Variants in KCTD16 observed in about 807,000 individuals in gnomAD.
KCTD16 encodes the protein BTB/POZ domain-containing protein KCTD16.
KCTD16 carries 13 observed loss-of-function variants against 33.2 expected under a neutral mutation model. The ratio of observed to expected loss-of-function variants is 0.39; its 90% CI spans 0.25 to 0.62. The LOEUF is 0.62. Among genes scored for constraint, KCTD16 ranks in the 20% least tolerant of loss-of-function variants. The probability of loss-of-function intolerance (pLI) is 0.50; values close to 1 mark genes in which losing one functional copy is unlikely to be tolerated. For synonymous variants in KCTD16, 197 were observed against 195.3 expected (o/e 1.01, Z -0.07); for missense variants, 441 against 525.1 (o/e 0.84, Z 1.57).
At chr5:144,374,474 T>C (rs532802805) in intron 3 of KCTD16, among the ~76,000 whole-genome samples, 1 of 152,282 alleles carries the variant, frequency 6.6e-6, no homozygotes, top group Non-Finnish European at 1.5e-5. Context: ...CGAGGTGACA[T>C]AGTATCATCT....
intron 3 of KCTD16, among the ~76,000 whole-genome samples, chr5:144,340,401 CAAAAAAA>C (rs1208475292): frequency 1.7e-4 from 8 of 48,252 alleles, no homozygotes; most frequent in African/African-American, 4.4e-4. Flanking sequence ...GACTCCATCT[CAAAAAAA>C]AAAAAAAAAA....
At chr5:144,243,699 C>T (rs968714536) in intron 3 of KCTD16, among the ~76,000 whole-genome samples, 2 of 152,032 alleles carry the variant, frequency 1.3e-5, no homozygotes, top group Non-Finnish European at 2.9e-5. Flanking sequence ...TTCAAAGGTC[C>T]AGATGACTTG....
intron 3 of KCTD16, among the ~76,000 whole-genome samples, chr5:144,357,381 G>A (rs1751594003): frequency 6.6e-6 from 1 of 152,140 alleles, no homozygotes; most frequent in South Asian, 2.1e-4. Flanking sequence ...GCTCATCTGG[G>A]TGTTGCTCCA....
At chr5:144,318,649 T>A (rs1341263422) in intron 3 of KCTD16, among the ~76,000 whole-genome samples, 2 of 152,152 alleles carry the variant, frequency 1.3e-5, no homozygotes, top group Non-Finnish European at 2.9e-5. Flanking sequence ...AGGCCATGTA[T>A]CTCATCGGCC....
intron 2 of KCTD16, among the ~76,000 whole-genome samples, chr5:144,193,186 CA>C (rs764130153): frequency 6.6e-6 from 1 of 152,222 alleles, no homozygotes; most frequent in Non-Finnish European, 1.5e-5. Context: ...ATCCCCATAT[CA>C]GCCAAAGTCA....
At chr5:144,433,304 A>G (rs1451827552) in intron 3 of KCTD16, among the ~76,000 whole-genome samples, 3 of 152,134 alleles carry the variant, frequency 2.0e-5, no homozygotes, top group East Asian at 1.9e-4. Flanking sequence ...ATAAACTGCA[A>G]CTGATGGTCA....
chr5:144,376,843 G>A (rs970315804), intron 3 of KCTD16, among the ~76,000 whole-genome samples: 1 of 152,162 alleles, frequency 6.6e-6, no homozygotes, highest in African/African-American at 2.4e-5. Context: ...CATTGGCTGC[G>A]ATCACTAACA....
intron 3 of KCTD16, among the ~76,000 whole-genome samples, chr5:144,284,201 G>C (rs1214383119): frequency 7.2e-5 from 11 of 152,126 alleles, no homozygotes; most frequent in African/African-American, 2.7e-4. Flanking sequence ...TTTCCCACTG[G>C]CCAGGCCTAG....
At chr5:144,373,819 G>T (rs911703478) in intron 3 of KCTD16, among the ~76,000 whole-genome samples, 1 of 152,198 alleles carries the variant, frequency 6.6e-6, no homozygotes, top group Non-Finnish European at 1.5e-5. Context: ...AGGTTAGTTA[G>T]CCCATGTGAT....
At chr5:144,195,476 C>A (rs1339269485) in intron 2 of KCTD16, among the ~76,000 whole-genome samples, 6 of 152,166 alleles carry the variant, frequency 3.9e-5, no homozygotes, top group Admixed American at 3.9e-4. Flanking sequence ...TGCTTGGTCA[C>A]CTTTTGTCAG....
intron 3 of KCTD16, among the ~76,000 whole-genome samples, chr5:144,417,481 T>C (rs1385480639): frequency 6.6e-6 from 1 of 152,154 alleles, no homozygotes; most frequent in Non-Finnish European, 1.5e-5. Context: ...TTTTTTGTTA[T>C]TGTATTTTGA....
rs1188185157 is a variant in KCTD16, at chr5:144,477,442, T to A, written c.*3328T>A. On this transcript the variant is annotated 3_prime_UTR_variant, in exon 4 of 4. Transcript: ENST00000512467. ...TTGTATCTATTCCAACCAATTCATTTTGGGGGAACACATTTATTAAGGGAT... is the reference window on the plus strand; with the variant it reads ...TTGTATCTATTCCAACCAATTCATTATGGGGGAACACATTTATTAAGGGAT... 2.0e-5 allele frequency: 3 copies of A among 152,166 alleles called. No homozygotes were observed. The highest frequency in any genetic ancestry group is 4.4e-5 in the Non-Finnish European group (3 of 67,998). The allele number at this position is 152,166 out of a possible 1,614,324, so 9.4% of individuals were successfully genotyped here. A position where few individuals can be genotyped will look rare whatever the true frequency, so the allele number is the denominator to read the frequency against.
At chr5:144,341,939 A>G (rs998037044) in intron 3 of KCTD16, among the ~76,000 whole-genome samples, 2 of 152,102 alleles carry the variant, frequency 1.3e-5, no homozygotes, top group Non-Finnish European at 2.9e-5. Context: ...TATGTAAGCC[A>G]TTTCATGGAA....
At chr5:144,239,179 T>C (rs986477462) in intron 3 of KCTD16, among the ~76,000 whole-genome samples, 10 of 152,118 alleles carry the variant, frequency 6.6e-5, no homozygotes, top group Admixed American at 2.0e-4. Flanking sequence ...TGAGAATCAG[T>C]TGAAGCAATA....
chr5:144,471,152 C>T (rs1252930007), intron 3 of KCTD16, among the ~76,000 whole-genome samples: 1 of 152,148 alleles, frequency 6.6e-6, no homozygotes, highest in East Asian at 1.9e-4. Flanking sequence ...CACTGCACTC[C>T]AGCCTGGGCG....
At chr5:144,329,418 G>C (rs1029675129) in intron 3 of KCTD16, among the ~76,000 whole-genome samples, 2 of 152,102 alleles carry the variant, frequency 1.3e-5, no homozygotes, top group Non-Finnish European at 2.9e-5. Context: ...TAATGCAGAA[G>C]CTGTATTTAC....
At chr5:144,428,640 G>A (rs1051965853) in intron 3 of KCTD16, among the ~76,000 whole-genome samples, 3 of 152,148 alleles carry the variant, frequency 2.0e-5, no homozygotes, top group African/African-American at 2.4e-5. Flanking sequence ...TGAATAATAA[G>A]CAATATTGTT....
intron 3 of KCTD16, among the ~76,000 whole-genome samples, chr5:144,295,914 A>G (rs945198310): frequency 1.3e-5 from 2 of 152,218 alleles, no homozygotes; most frequent in African/African-American, 4.8e-5. Context: ...TCTCTCCCCT[A>G]TAACCTCCAG....
intron 3 of KCTD16, among the ~76,000 whole-genome samples, chr5:144,275,688 T>C (rs1755421169): frequency 6.6e-6 from 1 of 152,224 alleles, no homozygotes; most frequent in Admixed American, 6.5e-5. Context: ...CGTGCCATTC[T>C]GGTTTGGGAA....
Sources: gnomAD v4.1 joint callset for allele counts (sites outside exome capture counted in the v4.1 genomes callset) on GRCh38, gnomAD v4.1.1 for gene constraint, MANE v1.5 for transcripts, NCBI Gene and HGNC (gene_info 2026-07-23, HGNC 2026-07-21) for gene names.